Variants in CDH18 observed in about 807,000 individuals in gnomAD.
CDH18 encodes cadherin 18.
CDH18 carries 31 observed loss-of-function variants against 67.9 expected under a neutral mutation model. The observed-to-expected ratio is 0.46, with a 90% CI of 0.34 to 0.62. The LOEUF (loss-of-function observed/expected upper bound fraction) is 0.62. Ranked by LOEUF, CDH18 falls within the 20% of genes least tolerant of loss-of-function variation. The pLI is 0.01. For synonymous variants in CDH18, 362 were observed against 347.2 expected, an observed-to-expected ratio of 1.04 and a Z score of -0.48; for missense variants, 890 against 975.5, an observed-to-expected ratio of 0.91 and a Z score of 1.17.
chr5:19,614,840 G>C (rs898607256), intron 5 of CDH18, among the ~76,000 whole-genome samples: 2 of 151,936 alleles, frequency 1.3e-5, no homozygotes, highest in African/African-American at 2.4e-5. Context: ...GGATTGTCTC[G>C]GGATTAATTT....
chr5:19,945,277 C>T (rs918904702), intron 2 of CDH18, among the ~76,000 whole-genome samples: 1 of 152,034 alleles, frequency 6.6e-6, no homozygotes, highest in Non-Finnish European at 1.5e-5. Flanking sequence ...GCTGGGGATA[C>T]AGAAGTGCTA....
chr5:20,072,967 T>A lies in CDH18; in HGVS notation c.-517-80953A>T, dbSNP rs147058770. Among the ~76,000 whole-genome samples the A allele has an allele frequency of 1.9e-3, 282 of 152,140 alleles. 1 individual carries two copies. The highest frequency in any genetic ancestry group is 6.4e-3 in the African/African-American group (266 of 41,564). On this transcript the variant is annotated intron_variant, in intron 2 of 14. Transcript: ENST00000507958. Reference sequence around the variant, plus strand: ...AGATGATGAATCAGGAAATGATGTTTACATTTTGTTAATATGAGGATAACA... The same window carrying A: ...AGATGATGAATCAGGAAATGATGTTAACATTTTGTTAATATGAGGATAACA...
chr5:20,245,744 A>G (rs1432327100), intron 2 of CDH18, among the ~76,000 whole-genome samples: 1 of 151,952 alleles, frequency 6.6e-6, no homozygotes, highest in Admixed American at 6.6e-5. Flanking sequence ...CACAATAAAA[A>G]CCTGTAGAGC....
At chr5:19,700,251 C>T (rs925263775) in intron 5 of CDH18, among the ~76,000 whole-genome samples, 4 of 152,084 alleles carry the variant, frequency 2.6e-5, no homozygotes, top group Non-Finnish European at 5.9e-5. Flanking sequence ...TTCACATGAA[C>T]CAAACAACAT....
intron 6 of CDH18, among the ~76,000 whole-genome samples, chr5:19,608,140 T>C (rs569191803): frequency 1.3e-5 from 2 of 151,820 alleles, no homozygotes; most frequent in South Asian, 2.1e-4. Context: ...GTACAAGGAA[T>C]AAACTTGAAT....
intron 1 of CDH18, among the ~76,000 whole-genome samples, chr5:20,561,998 A>G (rs1758245335): frequency 6.6e-6 from 1 of 151,952 alleles, no homozygotes; most frequent in African/African-American, 2.4e-5. Flanking sequence ...CAAATAGGCT[A>G]TTATGAACAA....
At chr5:19,545,846 T>A (rs927079641) in intron 8 of CDH18, among the ~76,000 whole-genome samples, 1 of 152,220 alleles carries the variant, frequency 6.6e-6, no homozygotes, top group Non-Finnish European at 1.5e-5. Flanking sequence ...ATAGGAAATA[T>A]AACTTTGAGA....
rs780209804 is a variant in CDH18, at chr5:20,467,818, G to T, written c.-580+107644C>A. Among the ~76,000 whole-genome samples the T allele has an allele frequency of 4.5e-4, 68 of 151,988 alleles. 2 individuals carry two copies. Among genetic ancestry groups the T allele is most frequent in the Admixed American group, 3.9e-3 (60 of 15,238 alleles). ...ACCATTTACTGAAATAGAAATAGTA[G>T]GCATTTGCAGAAAAGCAAGGCGGTG... On this transcript the variant is annotated intron_variant, in intron 1 of 14. Coordinates refer to the CDH18 transcript ENST00000507958.
At chr5:20,276,054 T>C (rs1218253424) in intron 1 of CDH18, among the ~76,000 whole-genome samples, 1 of 152,190 alleles carries the variant, frequency 6.6e-6, no homozygotes, top group Non-Finnish European at 1.5e-5. Context: ...CAAGCCTCAC[T>C]ACCATGCGAT....
At chr5:19,680,696 C>T (rs1433687785) in intron 5 of CDH18, among the ~76,000 whole-genome samples, 1 of 151,784 alleles carries the variant, frequency 6.6e-6, no homozygotes, top group Non-Finnish European at 1.5e-5. Context: ...TAGAGAAATG[C>T]AAATCAAAAC....
chr5:20,214,931 G>A (rs1189993187), intron 2 of CDH18, among the ~76,000 whole-genome samples: 1 of 151,954 alleles, frequency 6.6e-6, no homozygotes. Context: ...GAAAATATTT[G>A]CAAACTATGC....
At chr5:19,745,068 A>G (rs1458216005) in intron 4 of CDH18, among the ~76,000 whole-genome samples, 2 of 152,236 alleles carry the variant, frequency 1.3e-5, no homozygotes, top group South Asian at 2.1e-4. Flanking sequence ...GGTCTAATGA[A>G]TATGTTCTCT....
intron 1 of CDH18, among the ~76,000 whole-genome samples, chr5:20,358,825 T>C (rs2150068379): frequency 6.6e-6 from 1 of 152,188 alleles, no homozygotes; most frequent in African/African-American, 2.4e-5. Context: ...ATATATTTGG[T>C]GTGATCTTAT....
At chr5:20,244,487 A>G (rs143994134) in intron 2 of CDH18, among the ~76,000 whole-genome samples, 1 of 147,600 alleles carries the variant, frequency 6.8e-6, no homozygotes, top group African/African-American at 2.5e-5. Flanking sequence ...TCATTGCAAC[A>G]GTAGAAAAGA....
chr5:20,512,934 G>A (rs1262286045), intron 1 of CDH18, among the ~76,000 whole-genome samples: 4 of 151,372 alleles, frequency 2.6e-5, no homozygotes, highest in Non-Finnish European at 5.9e-5. Flanking sequence ...CCTCCAAGGA[G>A]ACTTGGCCTA....
intron 2 of CDH18, among the ~76,000 whole-genome samples, chr5:20,156,476 A>C (rs1751539449): frequency 6.6e-6 from 1 of 152,184 alleles, no homozygotes; most frequent in African/African-American, 2.4e-5. Flanking sequence ...AATAACTCAG[A>C]AACAGTCAAA....
chr5:19,573,923 T>C (rs1017125105), intron 7 of CDH18, among the ~76,000 whole-genome samples: 1 of 152,214 alleles, frequency 6.6e-6, no homozygotes, highest in Non-Finnish European at 1.5e-5. Context: ...TCTAAGGTTC[T>C]TCTCACTGAA....
intron 7 of CDH18, among the ~76,000 whole-genome samples, chr5:19,583,243 G>C (rs1414406248): frequency 1.3e-5 from 2 of 151,956 alleles, no homozygotes; most frequent in Non-Finnish European, 2.9e-5. Flanking sequence ...CCTATCAGAA[G>C]CTACAACTTT....
chr5:20,446,293 G>A (rs1749995336), intron 1 of CDH18, among the ~76,000 whole-genome samples: 2 of 152,086 alleles, frequency 1.3e-5, no homozygotes, highest in African/African-American at 4.8e-5. Context: ...GCAGTCTTGG[G>A]GTTGAACCTA....
Sources: allele counts gnomAD v4.1 joint callset (sites outside exome capture counted in the v4.1 genomes callset), GRCh38; gene constraint gnomAD v4.1.1; transcripts MANE v1.5; gene names NCBI Gene and HGNC (gene_info 2026-07-23, HGNC 2026-07-21).